The following SETD2 variants were observed in gnomAD, a reference collection of about 807,000 sequenced individuals.
SETD2 encodes histone-lysine N-methyltransferase SETD2.
Under a neutral mutation model 242.1 loss-of-function variants are expected in SETD2, and 31 were observed. The observed-to-expected ratio is 0.13, with a 90% CI of 0.10 to 0.17. SETD2 has a LOEUF of 0.17. Among genes scored for constraint, SETD2 ranks in the 10% least tolerant of loss-of-function variants. The pLI is 1.00. For synonymous variants in SETD2, 1,006 were observed against 1,066.5 expected, an observed-to-expected ratio of 0.94 and a Z score of 1.11; for missense variants, 2,481 against 3,046.3, an observed-to-expected ratio of 0.81 and a Z score of 4.37.
intron 13 of SETD2, chr3:47,064,626 AT>A: frequency 2.4e-6 from 1 of 420,916 alleles, no homozygotes; most frequent in South Asian, 1.8e-5. Flanking sequence ...ATTCAGGCTG[AT>A]TTCCTAATAT....
intron 1 of SETD2, among the ~76,000 whole-genome samples, chr3:47,145,761 G>A (rs1342592178): frequency 6.6e-6 from 1 of 151,918 alleles, no homozygotes; most frequent in Admixed American, 6.6e-5. Context: ...CATGCCTGTA[G>A]TCTCAGCACT....
intron 18 of SETD2, among the ~76,000 whole-genome samples, chr3:47,027,312 G>C (rs2038529619): frequency 6.9e-6 from 1 of 145,048 alleles, no homozygotes; most frequent in Admixed American, 7.3e-5. Context: ...ACTCCAGCCT[G>C]GGCGACAGAG....
intron 5 of SETD2, among the ~76,000 whole-genome samples, chr3:47,106,492 C>CT (rs1559726347): frequency 1.3e-4 from 4 of 30,328 alleles, no homozygotes; most frequent in African/African-American, 6.3e-4. Flanking sequence ...GATTTTTGCT[C>CT]TAAAAAAAAA....
rs1405443952 is a variant in SETD2, at chr3:47,035,547, G to T, written c.7350+2119C>A. Among the ~76,000 whole-genome samples the T allele has an allele frequency of 2.0e-5, 3 of 152,214 alleles. No homozygotes were observed. In the South Asian group the frequency reaches 6.2e-4, roughly 32 times the overall value. ...CTAACACAGGTCTTCATATAAGAAAGGCAATTCCTTGAGCATTAAATAAGC... is the reference window on the plus strand; with the variant it reads ...CTAACACAGGTCTTCATATAAGAAATGCAATTCCTTGAGCATTAAATAAGC... On this transcript the variant is annotated intron_variant, in intron 18 of 20. Transcript: ENST00000409792.
chr3:47,156,159 G>C (rs1379501505), intron 1 of SETD2, among the ~76,000 whole-genome samples: 2 of 152,148 alleles, frequency 1.3e-5, no homozygotes, highest in African/African-American at 4.8e-5. Flanking sequence ...AACCCAGGCT[G>C]GCCATCCTGC....
At chr3:47,101,596 TA>T (rs1302073169) in intron 7 of SETD2, 41 bp from the exon 8 acceptor site, 34 of 985,802 alleles carry the variant, frequency 3.4e-5, no homozygotes, top group Middle Eastern at 2.2e-4. Context: ...AGTAACTTAT[TA>T]GTGTGTGTGT....
chr3:47,136,004 T>C (rs576221579), intron 1 of SETD2, among the ~76,000 whole-genome samples: 1 of 152,228 alleles, frequency 6.6e-6, no homozygotes, highest in South Asian at 2.1e-4. Flanking sequence ...TACTCCTCCT[T>C]AATCTCATTT....
At chr3:47,064,909 G>A (rs775677653) in intron 13 of SETD2, among the ~76,000 whole-genome samples, 31 of 151,774 alleles carry the variant, frequency 2.0e-4, no homozygotes, top group Non-Finnish European at 3.7e-4. Flanking sequence ...GACTAAGGTC[G>A]GCAGAAAAGA....
chr3:47,094,591 C>T (rs531705677), intron 9 of SETD2, among the ~76,000 whole-genome samples: 1 of 152,322 alleles, frequency 6.6e-6, no homozygotes, highest in African/African-American at 2.4e-5. Flanking sequence ...TTCTGCTCAA[C>T]TGTAACTGAC....
rs1447368795 is a variant in SETD2, at chr3:47,162,092, T to A, written c.71+1762A>T. Reference sequence around the variant, plus strand: ...GGTCTACCAAAGATGCACTTCTGAGTCCATTTTCCCACATATTATGAAAAA... The same window carrying A: ...GGTCTACCAAAGATGCACTTCTGAGACCATTTTCCCACATATTATGAAAAA... On this transcript the variant is annotated intron_variant, in intron 1 of 20. Transcript: ENST00000409792. Among the ~76,000 whole-genome samples the A allele has an allele frequency of 2.0e-5, 3 of 152,124 alleles. No homozygotes were observed. The East Asian group carries it at 5.8e-4, about 29-fold the overall frequency.
intron 8 of SETD2, chr3:47,098,364 A>C (rs2042085007): frequency 7.9e-6 from 2 of 253,926 alleles, no homozygotes; most frequent in Non-Finnish European, 1.5e-5. Context: ...TGAAAATAAG[A>C]GATCATATAC....
chr3:47,146,764 T>C (rs1198049035), intron 1 of SETD2, among the ~76,000 whole-genome samples: 1 of 151,874 alleles, frequency 6.6e-6, no homozygotes, highest in Non-Finnish European at 1.5e-5. Context: ...TGGAGAGATC[T>C]TGCCTCTACA....
At chr3:47,102,636 CTA>C (rs1370290191) in intron 7 of SETD2, among the ~76,000 whole-genome samples, 1 of 151,926 alleles carries the variant, frequency 6.6e-6, no homozygotes, top group Non-Finnish European at 1.5e-5. Context: ...ACTAAAAATA[CTA>C]AAAAAATTAG....
chr3:47,137,078 CTA>C (rs1407050267), intron 1 of SETD2, among the ~76,000 whole-genome samples: 2 of 152,170 alleles, frequency 1.3e-5, no homozygotes, highest in Non-Finnish European at 2.9e-5. Flanking sequence ...CCCTTTGAAT[CTA>C]AAATAATTTT....
chr3:47,095,910 T>G (rs2041987593), intron 9 of SETD2, among the ~76,000 whole-genome samples: 1 of 152,064 alleles, frequency 6.6e-6, no homozygotes, highest in Non-Finnish European at 1.5e-5. Flanking sequence ...AATACATCTA[T>G]ATTATCTCAT....
chr3:47,075,564 C>CAAAAAAAAAAAAAAAAAAAAAAAAAAAA (rs55635941), intron 12 of SETD2, among the ~76,000 whole-genome samples: 1 of 76,456 alleles, frequency 1.3e-5, no homozygotes, highest in African/African-American at 5.2e-5. Flanking sequence ...AACTCCGTCT[C>CAAAAAAAAAAAAAAAAAAAAAAAAAAAA]AAAAAAAAAA....
intron 16 of SETD2, among the ~76,000 whole-genome samples, chr3:47,044,809 A>G (rs1472813190): frequency 6.6e-6 from 1 of 152,220 alleles, no homozygotes; most frequent in Non-Finnish European, 1.5e-5. Flanking sequence ...GTCCATGGTG[A>G]CTAGTACAGT....
chr3:47,020,265 C>T (rs948927146), intron 18 of SETD2, among the ~76,000 whole-genome samples: 1 of 152,152 alleles, frequency 6.6e-6, no homozygotes, highest in Non-Finnish European at 1.5e-5. Context: ...GAATACTCAT[C>T]ACCTTTCCTC....
intron 1 of SETD2, among the ~76,000 whole-genome samples, chr3:47,158,711 G>A (rs1024289864): frequency 6.6e-6 from 1 of 152,114 alleles, no homozygotes; most frequent in Non-Finnish European, 1.5e-5. Context: ...GGAGACAAAA[G>A]TTATATGCAC....
Sources: gnomAD v4.1 joint callset for allele counts (sites outside exome capture counted in the v4.1 genomes callset) on GRCh38, gnomAD v4.1.1 for gene constraint, MANE v1.5 for transcripts, NCBI Gene and HGNC (gene_info 2026-07-23, HGNC 2026-07-21) for gene names.